SPEG: variants seen among roughly 807,000 people sequenced by gnomAD.
The protein encoded by SPEG is striated muscle preferentially expressed protein kinase.
A neutral mutation model predicts 300.4 loss-of-function variants in SPEG; 114 were observed. The observed-to-expected ratio is 0.38, with a 90% CI of 0.33 to 0.44. SPEG has a LOEUF of 0.44. Among genes scored for constraint, SPEG ranks in the 20% least tolerant of loss-of-function variants. SPEG has a pLI of 1.00. For missense variants in SPEG, 4,201 were observed against 4,586.2 expected (o/e 0.92, Z 2.43); for synonymous variants, 1,964 against 2,018.9 (o/e 0.97, Z 0.73).
intron 4 of SPEG, among the ~76,000 whole-genome samples, 188 bp downstream of exon 4, chr2:219,449,459 C>T (rs1372848366): frequency 1.3e-5 from 2 of 152,184 alleles, no homozygotes; most frequent in Non-Finnish European, 2.9e-5. Context: ...TTGTCAAAGT[C>T]CTTGTGCTAG....
intron 3 of SPEG, among the ~76,000 whole-genome samples, chr2:219,447,222 GC>G (rs1482745112): frequency 1.8e-4 from 25 of 141,716 alleles, no homozygotes; most frequent in African/African-American, 5.2e-5. Flanking sequence ...GTGGGGGGGG[GC>G]CTTCTGTACT....
intron 1 of SPEG, among the ~76,000 whole-genome samples, chr2:219,440,068 C>G (rs1020469022): frequency 6.6e-6 from 1 of 152,174 alleles, no homozygotes; most frequent in African/African-American, 2.4e-5. Flanking sequence ...CCAGAATGTA[C>G]AAGACATGAC....
In SPEG at chr2:219,484,492, G is replaced by A. The variant is rs1305740900; in HGVS notation, c.7029G>A (p.Ser2343=). 15 of 1,607,452 alleles carry A rather than the reference G, an allele frequency of 9.3e-6. No individual in the cohort carries two copies. Among genetic ancestry groups the A allele is most frequent in the Non-Finnish European group, 1.1e-5 (13 of 1,178,572 alleles). Residue 2343 remains serine (S), a synonymous_variant, in exon 30 of 41, where the codon TCG becomes TCA. Transcript: ENST00000312358. ...CCAAGTTCAAGCGCAGCCGCGAGTC[G>A]CCCCTGTCGCTGGGGCTGCGGCTGC... ...FEAKFKRSRE[S]PLSLGLRLLS...
chr2:219,476,522 A>G (rs1366597863), intron 18 of SPEG, among the ~76,000 whole-genome samples: 2 of 152,214 alleles, frequency 1.3e-5, no homozygotes, highest in African/African-American at 4.8e-5. Context: ...CTGATTTTTC[A>G]AGAGAGGCAG....
Position 219,490,500 on chromosome 2 carries a change from C to CG in SPEG, c.9015dup (p.Arg3006AlafsTer35). ...CGTGCCCTATGCTGCCGAGGGCAAGCGGCGGGTCCTGCAGGAGTACGAGGT... is the reference window on the plus strand; with the variant it reads ...CGTGCCCTATGCTGCCGAGGGCAAGCGGGCGGGTCCTGCAGGAGTACGAGGT... On this transcript the variant is annotated frameshift_variant, in exon 37 of 41. Coordinates refer to ENST00000312358, the MANE Select transcript of SPEG (RefSeq NM_005876.5). LOFTEE classifies it high-confidence loss of function. 1 of 1,612,426 alleles carries CG rather than the reference C, an allele frequency of 6.2e-7. No individual in the cohort carries two copies. Among genetic ancestry groups the CG allele is most frequent in the Non-Finnish European group, 8.5e-7 (1 of 1,179,982 alleles).
intron 10 of SPEG, among the ~76,000 whole-genome samples, chr2:219,468,163 G>C (rs1204169952): frequency 6.6e-6 from 1 of 152,226 alleles, no homozygotes; most frequent in African/African-American, 2.4e-5. Flanking sequence ...CTCTGGGTCT[G>C]GGGAAGGTGG....
In SPEG at chr2:219,443,687, G is replaced by A. The variant is rs752498034; in HGVS notation, c.389-966G>A. 54 of 333,136 alleles carry A rather than the reference G, an allele frequency of 1.6e-4. No homozygotes were observed. Among genetic ancestry groups the A allele is most frequent in the Non-Finnish European group, 2.9e-4 (49 of 168,168 alleles). The allele number at this position is 333,136 out of a possible 1,614,324, so 20.6% of individuals were successfully genotyped here. A position where few individuals can be genotyped will look rare whatever the true frequency, so the allele number is the denominator to read the frequency against. On this transcript the variant is annotated intron_variant, in intron 1 of 40. Transcript: ENST00000312358. This position sits in a 1 kb window ranked among gnomAD's most constrained non-coding sequence, Gnocchi z 4.6. ...GCACAATGCAAATATTGTAATAGAG[G>A]GTGGGCCTGACTCCTAATGGGAGGC...
At position 219,489,505 on chromosome 2, in the gene SPEG, C is replaced by T; in HGVS notation, c.8487C>T (p.Ser2829=). The change falls in exon 36 of 41, where the codon AGC becomes AGT. Residue 2829 remains serine, a synonymous_variant. Coordinates refer to ENST00000312358, the MANE Select transcript of SPEG (RefSeq NM_005876.5). ...VSPSSPPTPP[S]QALSSLKAVG... ...CCTCATCTCCCCCCACACCTCCTAG[C>T]CAGGCCTTGTCCTCGCTCAAGGCTG... 1.2e-6 allele frequency: 2 copies of T among 1,612,594 alleles called. No homozygotes were observed. The highest frequency in any genetic ancestry group is 1.7e-6 in the Non-Finnish European group (2 of 1,179,450).
Position 219,484,252 on chromosome 2 carries a change from G to A in SPEG, c.6789G>A (p.Gln2263=). 6.2e-7 allele frequency: 1 copy of A among 1,610,446 alleles called. No individual in the cohort carries two copies. The highest frequency in any genetic ancestry group is 8.5e-7 in the Non-Finnish European group (1 of 1,179,690). ...QLSGHAQGPS[Q]GPAAPPSEPK... The stretch of plus-strand genomic sequence containing the variant: ...CAGGCCACGCCCAGGGCCCCTCGCA[G>A]GGCCCTGCCGCGCCGCCTTCAGAGC... The change falls in exon 30 of 41, where the codon CAG becomes CAA. Residue 2263 remains glutamine, a synonymous_variant. Coordinates refer to ENST00000312358, the MANE Select transcript of SPEG (RefSeq NM_005876.5).
rs774687329 is a variant in SPEG at position 219,448,184 on chromosome 2, T to A, written c.1026T>A (p.Pro342=). The A allele has an allele frequency of 1.5e-5, 24 of 1,611,992 alleles. 2 individuals carry two copies. In the South Asian group the frequency reaches 2.6e-4, roughly 18 times the overall value. ...PTSPHRRTQE[P]VLPEDTTTEE... is the part of the protein sequence containing the mutation. ...CGCCCCACCGTCGCACTCAGGAGCC[T>A]GTGCTGCCCGAGGACACCACCACCG... is the stretch of plus-strand genomic sequence containing the variant. The change falls in exon 4 of 41, where the codon CCT becomes CCA. Residue 342 remains proline (P), a synonymous_variant. Coordinates refer to ENST00000312358, the MANE Select transcript of SPEG (RefSeq NM_005876.5).
At chr2:219,442,581 G>T (rs1055113852) in intron 1 of SPEG, among the ~76,000 whole-genome samples, 1 of 151,512 alleles carries the variant, frequency 6.6e-6, no homozygotes, top group African/African-American at 2.4e-5. Flanking sequence ...TCCTGCATTC[G>T]TGAGGCTCTG....
Position 219,492,674 on chromosome 2 carries a change from T to C in SPEG, c.9692T>C (p.Leu3231Pro). Residue 3231 changes from leucine (L) to proline (P), a missense_variant, in exon 41 of 41, where the codon CTC becomes CCC. By Grantham distance (98) the Leu-to-Pro change is moderately conservative. This residue lies in a region of SPEG where 318 missense variants were observed against 429.5 expected (regional missense o/e 0.74). Coordinates refer to ENST00000312358, the MANE Select transcript of SPEG (RefSeq NM_005876.5). Reference protein sequence around the residue: ...AYLMKLRRQTLTFTTNRLKEF... With the variant: ...AYLMKLRRQTPTFTTNRLKEF... The stretch of plus-strand genomic sequence containing the variant: ...CTGATGAAGCTGCGCCGCCAGACGC[T>C]CACCTTCACCACCAACCGGCTCAAG... 6.2e-7 allele frequency: 1 copy of C among 1,610,486 alleles called. No homozygotes were observed.
chr2:219,440,739 G>C (rs905246774), intron 1 of SPEG, among the ~76,000 whole-genome samples: 2 of 152,086 alleles, frequency 1.3e-5, no homozygotes, highest in Non-Finnish European at 2.9e-5. Flanking sequence ...CAATTTATTG[G>C]CCATGTGACC....
At position 219,445,058 on chromosome 2, in the gene SPEG, CTGG is replaced by C. The variant is rs1400871952; in HGVS notation, c.716_718del (p.Val239del). 2 of 1,606,500 alleles carry C rather than the reference CTGG, an allele frequency of 1.2e-6. No homozygotes were observed. Among genetic ancestry groups the C allele is most frequent in the African/African-American group, 2.7e-5 (2 of 74,728 alleles). On this transcript the variant is annotated inframe_deletion, in exon 3 of 41. Transcript: ENST00000312358. The surrounding 1 kb of genome is among the most constrained non-coding windows in gnomAD (Gnocchi z 6.1). ...GCTGGTGCGGGCATCTCGAGCTAAT[CTGG>C]TGGGCGCAAGCTGGGGGTCAGAGGA...
At chr2:219,490,258 A>G in intron 36 of SPEG, 151 bp from the exon 37 acceptor site, 1 of 1,176,400 alleles carries the variant, frequency 8.5e-7, no homozygotes. Context: ...TGGGACTCGA[A>G]CCCTGGTTTC....
At chr2:219,466,690 T>G in intron 9 of SPEG, 1 of 1,000,414 alleles carries the variant, frequency 1.0e-6, no homozygotes, top group Non-Finnish European at 1.2e-6. Flanking sequence ...CCTGGCAGGT[T>G]TAGGGCCCAT....
In SPEG at chr2:219,444,779, GT is replaced by G. The variant is rs1273073461; in HGVS notation, c.478+41del. ...GGGTGTACAAAGAGCAGGCAGGCGG[GT>G]TTTCCATAAGGGGTGCCTCAGTCTC... On this transcript the variant is annotated intron_variant, in intron 2 of 40. Transcript: ENST00000312358. This position sits in a 1 kb window ranked among gnomAD's most constrained non-coding sequence, Gnocchi z 7.8. 6.2e-7 allele frequency: 1 copy of G among 1,612,278 alleles called. No individual in the cohort carries two copies. The highest frequency in any genetic ancestry group is 8.5e-7 in the Non-Finnish European group (1 of 1,178,986).
chr2:219,485,018 A>T lies in SPEG; in HGVS notation c.7555A>T (p.Thr2519Ser). The change falls in exon 30 of 41, where the codon ACG becomes TCG. Residue 2519 changes from threonine (T) to serine (S), a missense_variant. By Grantham distance (58) the Thr-to-Ser change is moderately conservative (BLOSUM62 1). This residue lies in a region of SPEG where 1,578 missense variants were observed against 1,506.0 expected (regional missense o/e 1.05). Coordinates refer to ENST00000312358, the MANE Select transcript of SPEG (RefSeq NM_005876.5). ...NQLAAQAGAT[T>S]PSAESLGSEA... Reference sequence around the variant, plus strand: ...GTTGGCCGCCCAGGCCGGCGCCACCACGCCTTCCGCCGAGTCCCTGGGCTC... The same window carrying T: ...GTTGGCCGCCCAGGCCGGCGCCACCTCGCCTTCCGCCGAGTCCCTGGGCTC... 1 of 1,531,810 alleles carries T rather than the reference A, an allele frequency of 6.5e-7. No homozygotes were observed. Among genetic ancestry groups the T allele is most frequent in the Non-Finnish European group, 8.7e-7 (1 of 1,145,616 alleles). 94.9% of individuals were successfully genotyped at this position (1,531,810 alleles called of 1,614,324 possible).
rs113577482 is a variant in SPEG, at chr2:219,464,799, C to T, written c.2881+191C>T. On this transcript the variant is annotated intron_variant, in intron 9 of 40. Transcript: ENST00000312358. The surrounding 1 kb of genome is among the most constrained non-coding windows in gnomAD (Gnocchi z 4.5). ...ACAGGAAGTGACCTGCCCAAAGCTG[C>T]ACAGCACATTGTTCCGTGCTCAGCT... 7 of 593,996 alleles carry T rather than the reference C, an allele frequency of 1.2e-5. No homozygotes were observed. Among genetic ancestry groups the T allele is most frequent in the African/African-American group, 5.6e-5 (3 of 53,828 alleles). 36.8% of individuals were successfully genotyped at this position (593,996 alleles called of 1,614,324 possible).
Sources: allele counts gnomAD v4.1 joint callset (sites outside exome capture counted in the v4.1 genomes callset), GRCh38; gene constraint gnomAD v4.1.1; regional missense constraint gnomAD v4.1.1; non-coding constraint Gnocchi (gnomAD v3.1); transcripts MANE v1.5; gene names NCBI Gene and HGNC (gene_info 2026-07-23, HGNC 2026-07-21).